Variants in FRAS1 observed in about 807,000 individuals in gnomAD.
FRAS1 encodes the protein extracellular matrix organizing protein FRAS1.
A neutral mutation model predicts 435.2 loss-of-function variants in FRAS1; 290 were observed. The ratio of observed to expected loss-of-function variants is 0.67; its 90% confidence interval spans 0.61 to 0.73. The LOEUF (loss-of-function observed/expected upper bound fraction) is 0.73, where lower values mean the gene tolerates loss of function less well. FRAS1 is among the 30% of genes least tolerant of loss of function. FRAS1 has a pLI of 0.00. For missense variants in FRAS1, 4,860 were observed against 5,001.5 expected, an observed-to-expected ratio of 0.97 and a Z score of 0.85; for synonymous variants, 1,800 against 1,851.0, an observed-to-expected ratio of 0.97 and a Z score of 0.71.
intron 14 of FRAS1, among the ~76,000 whole-genome samples, chr4:78,298,028 CTCTATATATA>C (rs1203837661): frequency 9.8e-6 from 1 of 101,992 alleles, no homozygotes; most frequent in African/African-American, 3.9e-5. Context: ...CTCTCTCTCT[CTCTATATATA>C]TATATATATA....
chr4:78,233,262 A>G (rs1047870239), intron 2 of FRAS1, among the ~76,000 whole-genome samples: 3 of 152,220 alleles, frequency 2.0e-5, no homozygotes, highest in Non-Finnish European at 2.9e-5. Flanking sequence ...TGGCCAACCA[A>G]TGTCTGGCTC....
At chr4:78,433,784 C>T (rs80244125) in intron 38 of FRAS1, among the ~76,000 whole-genome samples, 3,947 of 152,240 alleles carry the variant, frequency 0.026, 170 homozygotes, top group African/African-American at 0.09. Context: ...TTTAATCAGA[C>T]GATCACCAGA....
intron 9 of FRAS1, among the ~76,000 whole-genome samples, chr4:78,274,858 C>G (rs1726912878): frequency 6.6e-6 from 1 of 152,132 alleles, no homozygotes; most frequent in African/African-American, 2.4e-5. Context: ...AGTTCAATTC[C>G]TGGATATTCT....
At chr4:78,325,403 A>T (rs1160659895) in intron 18 of FRAS1, among the ~76,000 whole-genome samples, 2 of 152,234 alleles carry the variant, frequency 1.3e-5, no homozygotes, top group South Asian at 4.1e-4. Context: ...AGTTTTAATT[A>T]AAAAAATACG....
In FRAS1 at chr4:78,473,610, C is replaced by T. The variant is rs1560747687; in HGVS notation, c.7682+13C>T. The T allele has an allele frequency of 2.6e-6, 4 of 1,548,040 alleles. No individual in the cohort carries two copies. The highest frequency in any genetic ancestry group is 1.4e-5 in the African/African-American group (1 of 73,090). On this transcript the variant is annotated intron_variant, in intron 53 of 73. Transcript: ENST00000512123. ...TTAAATATACCAGGTACAAGTTTTA[C>T]TGTGCTTTCCTTCTTGAGAAATCAA...
chr4:78,220,893 A>G (rs1724023082), intron 2 of FRAS1, among the ~76,000 whole-genome samples: 1 of 152,176 alleles, frequency 6.6e-6, no homozygotes, highest in Non-Finnish European at 1.5e-5. Flanking sequence ...AAAAAATAAT[A>G]CAGGCTGGGC....
rs1304743119 is a variant in FRAS1, at chr4:78,293,719, G to C, written c.1534+7180G>C. ...AGACCCAATGAGGCAGGTGACAACA[G>C]TGTTCCAAGGCCCCTCTCTCTTTGG... On this transcript the variant is annotated intron_variant, in intron 14 of 73. Transcript: ENST00000512123. Among the ~76,000 whole-genome samples, 2 of 152,212 alleles carry C rather than the reference G, an allele frequency of 1.3e-5. 1 individual carries two copies. Among genetic ancestry groups the C allele is most frequent in the Admixed American group, 1.3e-4 (2 of 15,280 alleles).
chr4:78,264,943 T>G, intron 6 of FRAS1, 82 bp from the exon 7 acceptor site: 1 of 801,098 alleles, frequency 1.2e-6, no homozygotes, highest in Non-Finnish European at 2.2e-6. Context: ...ATGATTTAGT[T>G]GGCTGTGAAT....
intron 2 of FRAS1, among the ~76,000 whole-genome samples, chr4:78,132,289 G>C (rs1445177084): frequency 2.6e-5 from 4 of 152,180 alleles, no homozygotes; most frequent in African/African-American, 9.7e-5. Context: ...TTGAGAATTA[G>C]CTTAGTGTTT....
At chr4:78,251,997 G>A (rs1303402245) in intron 4 of FRAS1, among the ~76,000 whole-genome samples, 1 of 152,092 alleles carries the variant, frequency 6.6e-6, no homozygotes, top group Non-Finnish European at 1.5e-5. Context: ...GTCAAAGAAA[G>A]GAAACAGGAT....
At chr4:78,132,372 C>CA (rs1719722760) in intron 2 of FRAS1, among the ~76,000 whole-genome samples, 1 of 152,070 alleles carries the variant, frequency 6.6e-6, no homozygotes, top group South Asian at 2.1e-4. Context: ...AAAACAAAAC[C>CA]AAAAAACTAT....
At chr4:78,115,270 G>A (rs529362008) in intron 2 of FRAS1, among the ~76,000 whole-genome samples, 6 of 152,244 alleles carry the variant, frequency 3.9e-5, no homozygotes, top group South Asian at 2.1e-4. Flanking sequence ...TGTTCATCAC[G>A]GATATTGGTC....
chr4:78,137,493 CTTAA>C (rs1482955700), intron 2 of FRAS1, among the ~76,000 whole-genome samples: 1 of 152,134 alleles, frequency 6.6e-6, no homozygotes, highest in East Asian at 1.9e-4. Flanking sequence ...AAAATGCCAT[CTTAA>C]TTATGTTAAT....
intron 2 of FRAS1, among the ~76,000 whole-genome samples, chr4:78,125,755 C>T (rs1284735225): frequency 6.6e-6 from 1 of 152,142 alleles, no homozygotes; most frequent in Non-Finnish European, 1.5e-5. Context: ...CTGGAAGCTT[C>T]GTCCCAGAGG....
intron 18 of FRAS1, 39 bp downstream of exon 18, chr4:78,319,025 C>T: frequency 6.3e-7 from 1 of 1,598,926 alleles, no homozygotes; most frequent in South Asian, 1.1e-5. Flanking sequence ...AGCCTCTGGG[C>T]TTATCTCTTG....
chr4:78,288,245 A>G (rs1727707655), intron 14 of FRAS1, among the ~76,000 whole-genome samples: 1 of 152,198 alleles, frequency 6.6e-6, no homozygotes, highest in African/African-American at 2.4e-5. Flanking sequence ...TGAAATTTTA[A>G]TTTGATGAAA....
chr4:78,477,194 A>G (rs1719877553), intron 54 of FRAS1, among the ~76,000 whole-genome samples: 2 of 152,306 alleles, frequency 1.3e-5, no homozygotes, highest in South Asian at 4.1e-4. Flanking sequence ...TATTCAGTAC[A>G]CTGGAATTCT....
chr4:78,380,639 G>C (rs1731977853), intron 27 of FRAS1, among the ~76,000 whole-genome samples: 1 of 152,142 alleles, frequency 6.6e-6, no homozygotes, highest in Non-Finnish European at 1.5e-5. Context: ...GAAGTCAGAG[G>C]GTGCCCCCCA....
At chr4:78,303,207 A>G (rs1728512811) in intron 14 of FRAS1, among the ~76,000 whole-genome samples, 1 of 152,046 alleles carries the variant, frequency 6.6e-6, no homozygotes, top group Admixed American at 6.5e-5. Flanking sequence ...GTTCTGTTCC[A>G]TTGATCTATA....
Sources: allele counts gnomAD v4.1 joint callset (sites outside exome capture counted in the v4.1 genomes callset), GRCh38; gene constraint gnomAD v4.1.1; transcripts MANE v1.5; gene names NCBI Gene and HGNC (gene_info 2026-07-23, HGNC 2026-07-21).